TWF2: variants seen among roughly 807,000 people sequenced by gnomAD.
The protein encoded by TWF2 is twinfilin actin binding protein 2, also known as twinfilin-2.
A neutral mutation model predicts 45.1 loss-of-function variants in TWF2; 15 were observed. The observed-to-expected ratio is 0.33, with a 90% CI of 0.22 to 0.51. The LOEUF is 0.51. Among genes scored for constraint, TWF2 ranks in the 20% least tolerant of loss-of-function variants. The pLI is 0.97. For missense variants in TWF2, 423 were observed against 469.1 expected (o/e 0.90, Z 0.91); for synonymous variants, 177 against 195.8 (o/e 0.90, Z 0.80).
chr3:52,231,042 G>C, intron 5 of TWF2, 47 bp from the exon 6 acceptor site: 1 of 1,609,984 alleles, frequency 6.2e-7, no homozygotes, highest in South Asian at 1.1e-5. Flanking sequence ...GCCCAAAGCA[G>C]GGTGTGGCTC....
chr3:52,239,140 G>A lies in TWF2; in HGVS notation c.-124C>T, dbSNP rs953836596. 4 of 1,295,482 alleles carry A rather than the reference G, an allele frequency of 3.1e-6. No homozygotes were observed. Among genetic ancestry groups the A allele is most frequent in the Non-Finnish European group, 9.9e-7 (1 of 1,005,470 alleles). 80.2% of individuals were successfully genotyped at this position (1,295,482 alleles called of 1,614,324 possible). A position where few individuals can be genotyped will look rare whatever the true frequency, so the allele number is the denominator to read the frequency against. On this transcript the variant is annotated 5_prime_UTR_variant, in exon 1 of 9. Coordinates refer to ENST00000305533, the MANE Select transcript of TWF2 (RefSeq NM_007284.4). Reference sequence around the variant, plus strand: ...GCTGTCGACCCTCGCGCAGCTTCCCGGGCGGTGCCGCAGGACCCGCCCCCA... The same window carrying A: ...GCTGTCGACCCTCGCGCAGCTTCCCAGGCGGTGCCGCAGGACCCGCCCCCA...
At chr3:52,233,585 G>A (rs1699698648) in intron 2 of TWF2, among the ~76,000 whole-genome samples, 1 of 152,152 alleles carries the variant, frequency 6.6e-6, no homozygotes, top group South Asian at 2.1e-4. Context: ...CCCAACAACT[G>A]TCATGCAGAA....
chr3:52,231,173 G>C lies in TWF2; in HGVS notation c.437C>G (p.Pro146Arg). ...KHLSSCAAPA[P>R]LTSAERELQQ... ...GAGCTCTCTCTCAGCCGAGGTCAGC[G>C]GGGCAGGTGCCGCACAGGACGACAG... The change falls in exon 5 of 9, where the codon CCG becomes CGG. Residue 146 changes from proline to arginine, a missense_variant. Pro to Arg is a moderately radical substitution (Grantham distance 103). Transcript: ENST00000305533. 2 of 1,614,072 alleles carry C rather than the reference G, an allele frequency of 1.2e-6. No homozygotes were observed. Among genetic ancestry groups the C allele is most frequent in the South Asian group, 1.1e-5 (1 of 91,084 alleles).
Position 52,239,144 on chromosome 3 carries a change from G to C in TWF2, c.-128C>G. 1.6e-6 allele frequency: 2 copies of C among 1,262,646 alleles called. No homozygotes were observed. The highest frequency in any genetic ancestry group is 4.4e-5 in the South Asian group (2 of 45,364). The allele number at this position is 1,262,646 out of a possible 1,614,324, so 78.2% of individuals were successfully genotyped here. A position where few individuals can be genotyped will look rare whatever the true frequency, so the allele number is the denominator to read the frequency against. On this transcript the variant is annotated 5_prime_UTR_variant, in exon 1 of 9. Coordinates refer to ENST00000305533, the MANE Select transcript of TWF2 (RefSeq NM_007284.4). ...TCGACCCTCGCGCAGCTTCCCGGGC[G>C]GTGCCGCAGGACCCGCCCCCAGCGG...
chr3:52,231,265 T>TGGG (rs1559440869), intron 4 of TWF2, 34 bp from the exon 5 acceptor site: 1 of 1,611,692 alleles, frequency 6.2e-7, no homozygotes, highest in East Asian at 2.2e-5. Flanking sequence ...GAGCCATAAA[T>TGGG]GGGCACCTGG....
chr3:52,239,140 G>T lies in TWF2; in HGVS notation c.-124C>A. 1 of 1,295,480 alleles carries T rather than the reference G, an allele frequency of 7.7e-7. No homozygotes were observed. The highest frequency in any genetic ancestry group is 9.9e-7 in the Non-Finnish European group (1 of 1,005,468). 80.2% of individuals were successfully genotyped at this position (1,295,480 alleles called of 1,614,324 possible). A position where few individuals can be genotyped will look rare whatever the true frequency, so the allele number is the denominator to read the frequency against. On this transcript the variant is annotated 5_prime_UTR_variant, in exon 1 of 9. Transcript: ENST00000305533. ...GCTGTCGACCCTCGCGCAGCTTCCC[G>T]GGCGGTGCCGCAGGACCCGCCCCCA...
At chr3:52,231,423 T>G (rs1362821059) in intron 4 of TWF2, 21 bp downstream of exon 4, 1 of 1,611,394 alleles carries the variant, frequency 6.2e-7, no homozygotes, top group East Asian at 2.2e-5. Context: ...TGTGTCCCGG[T>G]AAGTCCTGGC....
chr3:52,230,030 G>C lies in TWF2; in HGVS notation c.650C>G (p.Thr217Arg). ...LERETIELVH[T>R]EPTDVAQLPS... ...CAGCTGGGCCACATCCGTGGGCTCT[G>C]TGTGCACCAGCTCAATGGTTTCCCG... The change falls in exon 7 of 9, where the codon ACA becomes AGA. Residue 217 changes from threonine to arginine, a missense_variant. Transcript: ENST00000305533. 6.2e-7 allele frequency: 1 copy of C among 1,608,790 alleles called. No individual in the cohort carries two copies. Among genetic ancestry groups the C allele is most frequent in the Non-Finnish European group, 8.5e-7 (1 of 1,178,966 alleles).
At chr3:52,238,906 G>A (rs1699753105) in intron 1 of TWF2, 86 bp downstream of exon 1, 12 of 1,503,174 alleles carry the variant, frequency 8.0e-6, no homozygotes, top group Admixed American at 5.8e-5. Context: ...GGCTGGTGTG[G>A]GGTGGAGGGA....
At chr3:52,235,982 G>C (rs957018784) in intron 1 of TWF2, among the ~76,000 whole-genome samples, 1 of 152,090 alleles carries the variant, frequency 6.6e-6, no homozygotes, top group East Asian at 1.9e-4. Context: ...CCAGGAGAAG[G>C]AATGGCTCCC....
chr3:52,238,012 A>C (rs7628461), intron 1 of TWF2, among the ~76,000 whole-genome samples: 23,940 of 152,232 alleles, frequency 0.16, 2,606 homozygotes, highest in African/African-American at 0.3. Flanking sequence ...AGCCCCAGGT[A>C]GAGTCAGGGC....
At chr3:52,231,613 G>C (rs1008742435) in intron 3 of TWF2, 74 bp from the exon 4 acceptor site, 2 of 1,490,972 alleles carry the variant, frequency 1.3e-6, no homozygotes, top group African/African-American at 1.4e-5. Context: ...GGTGCCTCTG[G>C]AGGAACTCGG....
Position 52,239,122 on chromosome 3 carries a change from A to C in TWF2, c.-106T>G. 4.5e-6 allele frequency: 6 copies of C among 1,319,192 alleles called. No homozygotes were observed. Among genetic ancestry groups the C allele is most frequent in the Non-Finnish European group, 5.0e-6 (5 of 1,003,092 alleles). The allele number at this position is 1,319,192 out of a possible 1,614,324, so 81.7% of individuals were successfully genotyped here. A position where few individuals can be genotyped will look rare whatever the true frequency, so the allele number is the denominator to read the frequency against. ...GTGGAGGATGTGGCGGAGGCTGTCG[A>C]CCCTCGCGCAGCTTCCCGGGCGGTG... On this transcript the variant is annotated 5_prime_UTR_variant, in exon 1 of 9. Transcript: ENST00000305533.
At chr3:52,235,140 G>C (rs1276461175) in intron 1 of TWF2, 34 bp from the exon 2 acceptor site, 2 of 1,607,208 alleles carry the variant, frequency 1.2e-6, no homozygotes, top group African/African-American at 2.7e-5. Flanking sequence ...GGGGATGAGT[G>C]GGCAGAGTGG....
chr3:52,235,086 A>G lies in TWF2; in HGVS notation c.46T>C (p.Phe16Leu). Residue 16 changes from phenylalanine (F) to leucine (L), a missense_variant, in exon 2 of 9, where the codon TTC becomes CTC. Phe to Leu is a conservative substitution (Grantham distance 22, BLOSUM62 0). Transcript: ENST00000305533. ...GAGCCAGCCCGTGCCTTGGCAAAGA[A>G]TTCCTTCAGCTCTTCCGTGGCTATA... ...GIHATEELKEFFAKARAGSVR... is the reference protein window; with the variant it reads ...GIHATEELKELFAKARAGSVR... 1.2e-6 allele frequency: 2 copies of G among 1,614,000 alleles called. No individual in the cohort carries two copies. The highest frequency in any genetic ancestry group is 1.7e-6 in the Non-Finnish European group (2 of 1,180,030).
intron 7 of TWF2, 31 bp from the exon 8 acceptor site, chr3:52,229,813 G>A: frequency 1.2e-6 from 2 of 1,603,644 alleles, no homozygotes; most frequent in Non-Finnish European, 8.5e-7. Context: ...AGCCTGGGAG[G>A]CCTGAGAAAC....
At chr3:52,231,253 C>T (rs374720128) in intron 4 of TWF2, 22 bp from the exon 5 acceptor site, 1 of 1,613,408 alleles carries the variant, frequency 6.2e-7, no homozygotes, top group East Asian at 2.2e-5. Flanking sequence ...GGGGTGAATG[C>T]AGAGCCATAA....
At chr3:52,232,602 C>A (rs184785902) in intron 2 of TWF2, among the ~76,000 whole-genome samples, 2 of 152,296 alleles carry the variant, frequency 1.3e-5, no homozygotes, top group East Asian at 3.9e-4. Flanking sequence ...CAGGTCACAG[C>A]CCCAGGCCAC....
intron 1 of TWF2, 145 bp downstream of exon 1, chr3:52,238,847 C>A: frequency 8.6e-7 from 1 of 1,165,636 alleles, no homozygotes. Flanking sequence ...CCAGATGTGC[C>A]CACCCCAGGC....
Sources: allele counts gnomAD v4.1 joint callset (sites outside exome capture counted in the v4.1 genomes callset), GRCh38; gene constraint gnomAD v4.1.1; transcripts MANE v1.5; gene names NCBI Gene and HGNC (gene_info 2026-07-23, HGNC 2026-07-21).